FER1L6: variants seen among roughly 807,000 people sequenced by gnomAD.
FER1L6 encodes the protein fer-1 like family member 6, also known as fer-1-like protein 6.
FER1L6 carries 177 observed loss-of-function variants against 219.2 expected under a neutral mutation model. That is an observed-to-expected ratio of 0.81 (90% CI 0.71 to 0.91). FER1L6 has a LOEUF of 0.91. FER1L6 is among the 40% of genes least tolerant of loss of function. The pLI, the probability that FER1L6 is intolerant of heterozygous loss-of-function variation, is 0.00. For synonymous variants in FER1L6, 768 were observed against 824.3 expected, an observed-to-expected ratio of 0.93 and a Z score of 1.17; for missense variants, 2,153 against 2,259.9, an observed-to-expected ratio of 0.95 and a Z score of 0.96.
chr8:123,958,897 C>T (rs75106327), intron 2 of FER1L6, among the ~76,000 whole-genome samples: 2,784 of 151,514 alleles, frequency 0.018, 51 homozygotes, highest in African/African-American at 0.041. Context: ...CAGCAGAGAG[C>T]TTGTGAGATT....
intron 1 of FER1L6, among the ~76,000 whole-genome samples, chr8:123,881,142 T>C (rs1368058635): frequency 6.6e-6 from 1 of 152,246 alleles, no homozygotes; most frequent in East Asian, 1.9e-4. Flanking sequence ...TGCTAAGAGA[T>C]ATAAATAATA....
At chr8:123,916,555 T>C (rs908569924) in intron 1 of FER1L6, among the ~76,000 whole-genome samples, 7 of 152,192 alleles carry the variant, frequency 4.6e-5, no homozygotes, top group African/African-American at 1.7e-4. Context: ...GTTCATTGGA[T>C]TGCAAGTTTT....
chr8:123,922,981 CA>C (rs1563687107), intron 1 of FER1L6, among the ~76,000 whole-genome samples: 1 of 150,088 alleles, frequency 6.7e-6, no homozygotes, highest in Non-Finnish European at 1.5e-5. Flanking sequence ...AGCCCCCCCC[CA>C]GACCCCCATT....
At chr8:124,048,193 G>A (rs1242927343) in intron 21 of FER1L6, among the ~76,000 whole-genome samples, 1 of 152,170 alleles carries the variant, frequency 6.6e-6, no homozygotes, top group Non-Finnish European at 1.5e-5. Context: ...TCTACAGCTG[G>A]GGTTGCACAT....
intron 1 of FER1L6, among the ~76,000 whole-genome samples, chr8:123,868,862 GA>G (rs768536397): frequency 6.6e-6 from 1 of 152,186 alleles, no homozygotes; most frequent in East Asian, 1.9e-4. Flanking sequence ...GACATTTTAA[GA>G]GAGGTATCAC....
chr8:124,093,355 T>G (rs1432315592), intron 34 of FER1L6, among the ~76,000 whole-genome samples: 20 of 151,694 alleles, frequency 1.3e-4, no homozygotes, highest in Non-Finnish European at 2.7e-4. Flanking sequence ...GTCCTATGTA[T>G]GGTTCAGTAC....
rs1377901930 is a variant in FER1L6 at position 124,076,226 on chromosome 8, A to G, written c.4121A>G (p.Asp1374Gly). The G allele has an allele frequency of 3.7e-6, 6 of 1,613,960 alleles. No individual in the cohort carries two copies. The highest frequency in any genetic ancestry group is 1.7e-5 in the Admixed American group (1 of 59,996). ...AAFNLSPADP[D>G]GKSDPYIVIK... ...TTTAATCTTAGTCCAGCTGATCCAG[A>G]TGGCAAATCAGATCCCTACATTGTG... Residue 1374 changes from aspartate (D) to glycine (G), a missense_variant, in exon 32 of 41, where the codon GAT (aspartate) becomes GGT (glycine). Physicochemically the swap from Asp to Gly is moderately conservative, Grantham distance 94 (BLOSUM62 -1). Coordinates refer to ENST00000522917, the MANE Select transcript of FER1L6 (RefSeq NM_001039112.2).
chr8:124,023,528 C>T lies in FER1L6; in HGVS notation c.2218C>T (p.Leu740Phe), dbSNP rs368185517. 10 of 1,614,078 alleles carry T rather than the reference C, an allele frequency of 6.2e-6. No homozygotes were observed. The highest frequency in any genetic ancestry group is 1.3e-5 in the African/African-American group (1 of 74,934). Residue 740 changes from leucine (L) to phenylalanine (F), a missense_variant, in exon 18 of 41, where the codon CTC (leucine) becomes TTC (phenylalanine). By Grantham distance (22) the Leu-to-Phe change is conservative. Coordinates refer to ENST00000522917, the MANE Select transcript of FER1L6 (RefSeq NM_001039112.2). ...CTATGCCCGCATCGCCTCCAAAGACCTCCTCTATTCCCCTGTCGCGGGGCA... is the reference window on the plus strand; with the variant it reads ...CTATGCCCGCATCGCCTCCAAAGACTTCCTCTATTCCCCTGTCGCGGGGCA... ...VAYARIASKDLLYSPVAGQMG... is the reference protein window; with the variant it reads ...VAYARIASKDFLYSPVAGQMG...
chr8:123,870,142 T>G (rs7823205), intron 1 of FER1L6, among the ~76,000 whole-genome samples: 43,887 of 152,158 alleles, frequency 0.29, 7,175 homozygotes, highest in Middle Eastern at 0.38. Context: ...TCTAAAAACC[T>G]AACAAAGCCA....
chr8:123,921,656 C>T (rs557894820), intron 1 of FER1L6, among the ~76,000 whole-genome samples: 13 of 151,178 alleles, frequency 8.6e-5, no homozygotes, highest in African/African-American at 2.9e-4. Context: ...GCCGGGACAG[C>T]GGGGTAGTAG....
rs773368685 is a variant in FER1L6 at position 123,980,792 on chromosome 8, C to A, written c.1391C>A (p.Ser464Ter). 1 of 1,613,570 alleles carries A rather than the reference C, an allele frequency of 6.2e-7. No homozygotes were observed. Among genetic ancestry groups the A allele is most frequent in the Non-Finnish European group, 8.5e-7 (1 of 1,179,838 alleles). ...AACTCAACCGAGGTGGAGGTGGAAT[C>A]GTTCGATGTCCCCCCGGAGGTAGGT... ...KTNSTEVEVE[S>*]FDVPPEIVPE... The change falls in exon 11 of 41, where the codon TCG (serine) becomes TAG (stop). Residue 464 changes from serine (S) to a stop codon, truncating the protein, a stop_gained. Transcript: ENST00000522917. LOFTEE classifies it high-confidence loss of function.
chr8:124,087,503 T>C (rs1238333519), intron 33 of FER1L6, among the ~76,000 whole-genome samples: 1 of 152,170 alleles, frequency 6.6e-6, no homozygotes, highest in Non-Finnish European at 1.5e-5. Flanking sequence ...TTGTTGAGCT[T>C]CCTTAATGCA....
At position 123,932,668 on chromosome 8, in the gene FER1L6, A is replaced by G. The variant is rs571327221; in HGVS notation, c.-7-23324A>G. Among the ~76,000 whole-genome samples, 4 of 152,274 alleles carry G rather than the reference A, an allele frequency of 2.6e-5. No homozygotes were observed. The South Asian group carries it at 8.3e-4, about 32-fold the overall frequency. The stretch of plus-strand genomic sequence containing the variant: ...AAGAAGAACTAGTTTCTAGAATTAG[A>G]TCCTTCAGCAAGTACAATAGGAACC... On this transcript the variant is annotated intron_variant, in intron 1 of 40. Coordinates refer to ENST00000522917, the MANE Select transcript of FER1L6 (RefSeq NM_001039112.2).
intron 22 of FER1L6, among the ~76,000 whole-genome samples, chr8:124,052,163 G>A (rs915663765): frequency 6.6e-6 from 1 of 152,212 alleles, no homozygotes; most frequent in Admixed American, 6.5e-5. Context: ...CTTCAAAACT[G>A]TTGGTCCAGT....
chr8:124,118,759 C>A, intron 39 of FER1L6, 85 bp from the exon 40 acceptor site: 1 of 1,130,474 alleles, frequency 8.8e-7, no homozygotes, highest in South Asian at 1.4e-5. Context: ...CTGGAATTCT[C>A]CAACTTGGTA....
Position 124,097,510 on chromosome 8 carries a change from T to A in FER1L6, c.4784+151T>A, listed in dbSNP as rs542291458. On this transcript the variant is annotated intron_variant, in intron 36 of 40. Coordinates refer to ENST00000522917, the MANE Select transcript of FER1L6 (RefSeq NM_001039112.2). ...TTTCAGGAGCTGGTGGTGGCCCCTG[T>A]CTTAAGGGAGGGGCTTCTGAGTTTC... 5.1e-5 allele frequency: 32 copies of A among 628,718 alleles called. 1 individual carries two copies. Among genetic ancestry groups the A allele is most frequent in the Non-Finnish European group, 2.8e-6 (1 of 359,168 alleles). 38.9% of individuals were successfully genotyped at this position (628,718 alleles called of 1,614,324 possible). A position where few individuals can be genotyped will look rare whatever the true frequency, so the allele number is the denominator to read the frequency against.
chr8:124,079,011 T>C (rs916473507), intron 32 of FER1L6, among the ~76,000 whole-genome samples: 31 of 152,294 alleles, frequency 2.0e-4, no homozygotes, highest in African/African-American at 7.0e-4. Flanking sequence ...CCCTCCCAGC[T>C]TCTGGTGATC....
At chr8:123,965,159 A>T (rs542015154) in intron 3 of FER1L6, among the ~76,000 whole-genome samples, 1 of 152,352 alleles carries the variant, frequency 6.6e-6, no homozygotes, top group East Asian at 1.9e-4. Context: ...AGAAATTAAA[A>T]CTAAAGTCCA....
At chr8:123,891,316 CT>C (rs1306983098) in intron 1 of FER1L6, among the ~76,000 whole-genome samples, 2 of 152,108 alleles carry the variant, frequency 1.3e-5, no homozygotes, top group Admixed American at 6.5e-5. Context: ...AAAGAAATTA[CT>C]GTGTGCTTGT....
Sources: gnomAD v4.1 joint callset for allele counts (sites outside exome capture counted in the v4.1 genomes callset) on GRCh38, gnomAD v4.1.1 for gene constraint, MANE v1.5 for transcripts, NCBI Gene and HGNC (gene_info 2026-07-23, HGNC 2026-07-21) for gene names.